The following CCDC186 variants were observed in gnomAD, a reference collection of about 807,000 sequenced individuals.
CCDC186 encodes the protein coiled-coil domain-containing protein 186.
A neutral mutation model predicts 113.7 loss-of-function variants in CCDC186; 49 were observed. The ratio of observed to expected loss-of-function variants is 0.43; its 90% CI spans 0.34 to 0.55. The LOEUF is 0.55. Among genes scored for constraint, CCDC186 ranks in the 20% least tolerant of loss-of-function variants. CCDC186 has a pLI of 0.02. For missense variants in CCDC186, 890 were observed against 1,011.1 expected (o/e 0.88, Z 1.62); for synonymous variants, 355 against 345.8 (o/e 1.03, Z -0.30).
intron 1 of CCDC186, among the ~76,000 whole-genome samples, chr10:114,163,663 A>AAT (rs2032245408): frequency 6.6e-6 from 1 of 152,212 alleles, no homozygotes; most frequent in South Asian, 2.1e-4. Flanking sequence ...AGTGCCAAAG[A>AAT]ATGCTTAGAA....
rs774913425 is a variant in CCDC186, at chr10:114,163,085, G to C, written c.184C>G (p.Arg62Gly). Residue 62 changes from arginine to glycine, a missense_variant, in exon 2 of 16, where the codon CGA becomes GGA. By Grantham distance (125) the Arg-to-Gly change is moderately radical. Transcript: ENST00000369287. ...ATATAATTTTCCTGGGCTTCAATTC[G>C]ATTATTATGCTCATTAGGTTGACAT... ...TLCQPNEHNN[R>G]IEAQENYIPD... 7 of 1,614,010 alleles carry C rather than the reference G, an allele frequency of 4.3e-6. No homozygotes were observed. Among genetic ancestry groups the C allele is most frequent in the Non-Finnish European group, 5.1e-6 (6 of 1,179,978 alleles).
At chr10:114,171,306 T>C (rs1185411064) in intron 1 of CCDC186, among the ~76,000 whole-genome samples, 1 of 151,886 alleles carries the variant, frequency 6.6e-6, no homozygotes, top group Non-Finnish European at 1.5e-5. Context: ...GAGGCCTAGA[T>C]GGGAGGATCA....
chr10:114,132,288 T>A (rs1052647881), intron 10 of CCDC186, 104 bp from the exon 11 acceptor site: 1 of 810,518 alleles, frequency 1.2e-6, no homozygotes, highest in Non-Finnish European at 1.8e-6. Context: ...AAGGTACTTC[T>A]ATTCATTCAT....
At chr10:114,143,498 ACTGT>A (rs1446110023) in intron 6 of CCDC186, among the ~76,000 whole-genome samples, 1 of 152,166 alleles carries the variant, frequency 6.6e-6, no homozygotes, top group Non-Finnish European at 1.5e-5. Context: ...AGCTCCAGAG[ACTGT>A]CATCCTCCTC....
intron 2 of CCDC186, among the ~76,000 whole-genome samples, chr10:114,159,086 C>G (rs1167426768): frequency 1.3e-5 from 2 of 152,188 alleles, no homozygotes; most frequent in Admixed American, 6.5e-5. Context: ...AGATAGGCCT[C>G]TCTGAGAAGG....
At chr10:114,172,354 T>C (rs777010199) in intron 1 of CCDC186, among the ~76,000 whole-genome samples, 1 of 152,226 alleles carries the variant, frequency 6.6e-6, no homozygotes, top group Non-Finnish European at 1.5e-5. Flanking sequence ...AAGCTGCAAA[T>C]AGATGTTTCT....
At chr10:114,152,468 T>A (rs2031884714) in intron 3 of CCDC186, among the ~76,000 whole-genome samples, 1 of 152,158 alleles carries the variant, frequency 6.6e-6, no homozygotes, top group Non-Finnish European at 1.5e-5. Context: ...GATCTTGGAA[T>A]AAATTCCCCT....
chr10:114,170,769 C>A (rs964641399), intron 1 of CCDC186, among the ~76,000 whole-genome samples: 3 of 152,022 alleles, frequency 2.0e-5, no homozygotes, highest in Non-Finnish European at 4.4e-5. Flanking sequence ...AATCCAGACT[C>A]AGGGCAAGAA....
At chr10:114,166,204 C>T (rs2119819180) in intron 1 of CCDC186, among the ~76,000 whole-genome samples, 1 of 152,268 alleles carries the variant, frequency 6.6e-6, no homozygotes, top group Non-Finnish European at 1.5e-5. Flanking sequence ...AGTTGTACTA[C>T]TTTTCCATTC....
In CCDC186 at chr10:114,127,631, T is replaced by C; in HGVS notation, c.2223A>G (p.Pro741=). ...CAGCTACTGAGGACCCAGTATTTTCTGGAGATCGATCTTCTGCACTGCTTC... is the reference window on the plus strand; with the variant it reads ...CAGCTACTGAGGACCCAGTATTTTCCGGAGATCGATCTTCTGCACTGCTTC... ...NARSSAEDRS[P]ENTGSSVAVD... The change falls in exon 14 of 16, where the codon CCA becomes CCG. Residue 741 remains proline, a synonymous_variant. Transcript: ENST00000369287. 6.2e-7 allele frequency: 1 copy of C among 1,614,074 alleles called. No homozygotes were observed. Among genetic ancestry groups the C allele is most frequent in the Non-Finnish European group, 8.5e-7 (1 of 1,180,000 alleles).
intron 6 of CCDC186, among the ~76,000 whole-genome samples, chr10:114,138,600 C>G (rs1434167589): frequency 6.6e-6 from 1 of 152,062 alleles, no homozygotes; most frequent in African/African-American, 2.4e-5. Flanking sequence ...TAACCATTCT[C>G]CTAAGATGGC....
intron 6 of CCDC186, among the ~76,000 whole-genome samples, chr10:114,137,993 C>T (rs956489537): frequency 4.8e-5 from 6 of 126,286 alleles, no homozygotes; most frequent in Admixed American, 3.9e-4. Flanking sequence ...GCCGAAATTG[C>T]GCCACTGTAC....
intron 3 of CCDC186, 54 bp downstream of exon 3, chr10:114,157,500 T>C: frequency 4.0e-6 from 6 of 1,493,758 alleles, no homozygotes; most frequent in Non-Finnish European, 5.4e-6. Context: ...CTGCCAGGAA[T>C]GTATTTATTT....
chr10:114,135,074 C>G lies in CCDC186; in HGVS notation c.1513-19G>C. On this transcript the variant is annotated intron_variant, in intron 9 of 15. Transcript: ENST00000369287. ...ATTTCACCTATCAAATGATCACAAC[C>G]AAGTTACAAACCATGTATTCTTGTT... 1 of 1,593,354 alleles carries G rather than the reference C, an allele frequency of 6.3e-7. No homozygotes were observed. Among genetic ancestry groups the G allele is most frequent in the Non-Finnish European group, 8.5e-7 (1 of 1,173,704 alleles).
intron 4 of CCDC186, among the ~76,000 whole-genome samples, chr10:114,150,493 A>G (rs1217619117): frequency 6.6e-6 from 1 of 152,232 alleles, no homozygotes; most frequent in Non-Finnish European, 1.5e-5. Flanking sequence ...AGTAAGATAC[A>G]TAATCAAAAT....
chr10:114,148,242 C>A (rs1273273065), intron 4 of CCDC186, among the ~76,000 whole-genome samples: 1 of 152,178 alleles, frequency 6.6e-6, no homozygotes, highest in Non-Finnish European at 1.5e-5. Flanking sequence ...AAAGGAATAA[C>A]CTGGGGTGCT....
chr10:114,135,114 T>C, intron 9 of CCDC186, 59 bp from the exon 10 acceptor site: 1 of 1,494,064 alleles, frequency 6.7e-7, no homozygotes, highest in Non-Finnish European at 8.9e-7. Flanking sequence ...ATAAACTATT[T>C]TGTATAGTGG....
At chr10:114,172,139 A>G (rs1465699694) in intron 1 of CCDC186, among the ~76,000 whole-genome samples, 1 of 111,308 alleles carries the variant, frequency 9.0e-6, no homozygotes, top group African/African-American at 3.6e-5. Flanking sequence ...TACTAAAAGA[A>G]AAAAAATTTC....
chr10:114,145,911 G>A, intron 4 of CCDC186, 150 bp from the exon 5 acceptor site: 1 of 705,958 alleles, frequency 1.4e-6, no homozygotes, highest in Non-Finnish European at 2.2e-6. Context: ...ATTTTAAAAT[G>A]AAAGAAAAAA....
Sources: allele counts gnomAD v4.1 joint callset (sites outside exome capture counted in the v4.1 genomes callset), GRCh38; gene constraint gnomAD v4.1.1; transcripts MANE v1.5; gene names NCBI Gene and HGNC (gene_info 2026-07-23, HGNC 2026-07-21).